MID1: variants seen among roughly 807,000 people sequenced by gnomAD.
The protein encoded by MID1 is E3 ubiquitin-protein ligase Midline-1.
MID1 carries 7 observed loss-of-function variants against 40.4 expected under a neutral mutation model. The ratio of observed to expected loss-of-function variants is 0.17; its 90% CI spans 0.10 to 0.33. The LOEUF (loss-of-function observed/expected upper bound fraction) is 0.33, where lower values mean the gene tolerates loss of function less well. Among genes scored for constraint, MID1 ranks in the 10% least tolerant of loss-of-function variants. MID1 has a pLI of 1.00. For missense variants in MID1, 367 were observed against 558.5 expected, an observed-to-expected ratio of 0.66 and a Z score of 3.46; for synonymous variants, 229 against 221.2, an observed-to-expected ratio of 1.04 and a Z score of -0.31.
rs1385862213 is a variant in MID1, at chrX:10,781,712, A to G, written c.-187+51842T>C. On this transcript the variant is annotated intron_variant, in intron 1 of 10. Coordinates refer to the MID1 transcript ENST00000380785. ...GATGATCTTTTGGATCACTGGTAATACATTCCAATATGTTTGATTAGTGTT... is the reference window on the plus strand; with the variant it reads ...GATGATCTTTTGGATCACTGGTAATGCATTCCAATATGTTTGATTAGTGTT... Among the ~76,000 whole-genome samples the G allele has an allele frequency of 3.6e-5, 4 of 112,156 alleles. No homozygotes were observed. In the East Asian group the frequency reaches 1.1e-3, roughly 31 times the overall value.
At chrX:10,637,002 A>T (rs1936126111) in intron 1 of MID1, among the ~76,000 whole-genome samples, 1 of 106,121 alleles carries the variant, frequency 9.4e-6, no homozygotes, top group Non-Finnish European at 1.9e-5. Context: ...TGTTTAGGAC[A>T]GAGGCCTATA....
chrX:10,584,590 T>C (rs1935095046), intron 1 of MID1, among the ~76,000 whole-genome samples: 1 of 112,128 alleles, frequency 8.9e-6, no homozygotes. Flanking sequence ...CAAAGATGAG[T>C]TAAGACTAGA....
intron 9 of MID1, among the ~76,000 whole-genome samples, chrX:10,453,807 G>GACTT (rs765941421): frequency 8.9e-6 from 1 of 111,975 alleles, no homozygotes; most frequent in South Asian, 3.8e-4. Context: ...CTTGACTGCA[G>GACTT]ACTTACTGAC....
intron 5 of MID1, among the ~76,000 whole-genome samples, chrX:10,476,228 G>A (rs1930003431): frequency 1.8e-5 from 2 of 111,475 alleles, no homozygotes; most frequent in South Asian, 3.8e-4. Context: ...AGGGGAGATG[G>A]GGAGTAACTG....
intron 1 of MID1, among the ~76,000 whole-genome samples, chrX:10,828,544 G>A (rs1267362471): frequency 2.7e-5 from 3 of 111,818 alleles, no homozygotes; most frequent in African/African-American, 9.8e-5. Flanking sequence ...CACCTTAAAA[G>A]GGGGAAATCT....
At chrX:10,546,265 C>A (rs756378363) in intron 2 of MID1, among the ~76,000 whole-genome samples, 1 of 112,178 alleles carries the variant, frequency 8.9e-6, no homozygotes, top group Non-Finnish European at 1.9e-5. Flanking sequence ...ACAGCAAAAA[C>A]ACACACAAAC....
chrX:10,761,203 A>G (rs983163666), intron 1 of MID1, among the ~76,000 whole-genome samples: 15 of 111,149 alleles, frequency 1.3e-4, no homozygotes, highest in Non-Finnish European at 2.8e-4. Context: ...TTGTTAAGAG[A>G]GTCTAACTAT....
At chrX:10,786,650 A>C (rs1224313098) in intron 1 of MID1, among the ~76,000 whole-genome samples, 7 of 110,760 alleles carry the variant, frequency 6.3e-5, no homozygotes, top group Non-Finnish European at 1.3e-4. Flanking sequence ...AAAAAGGATG[A>C]GTTCATGTCA....
intron 1 of MID1, among the ~76,000 whole-genome samples, chrX:10,637,317 T>A (rs1440169863): frequency 1.0e-5 from 1 of 97,067 alleles, no homozygotes; most frequent in Non-Finnish European, 2.0e-5. Context: ...GCTTTATGTA[T>A]TTTTTTTTTT....
intron 7 of MID1, 148 bp from the exon 8 acceptor site, chrX:10,459,955 A>T: frequency 1.6e-6 from 1 of 607,199 alleles, no homozygotes; most frequent in Non-Finnish European, 2.7e-6. Flanking sequence ...AACTGACTTC[A>T]CTAACGTAGA....
At chrX:10,583,736 A>G (rs1018630885) in intron 1 of MID1, among the ~76,000 whole-genome samples, 2 of 112,009 alleles carry the variant, frequency 1.8e-5, no homozygotes, top group Non-Finnish European at 3.8e-5. Context: ...GTAATTTATA[A>G]AGAACAGCGA....
intron 1 of MID1, among the ~76,000 whole-genome samples, chrX:10,760,058 G>A (rs898794398): frequency 3.6e-5 from 4 of 111,594 alleles, no homozygotes; most frequent in African/African-American, 6.5e-5. Context: ...GTTCTGAGAA[G>A]CATTTTTTCC....
chrX:10,731,761 C>A (rs920641197), intron 1 of MID1, among the ~76,000 whole-genome samples: 24 of 109,760 alleles, frequency 2.2e-4, no homozygotes, highest in Non-Finnish European at 3.8e-4. Context: ...GAGTTCACAA[C>A]CAGCCTGGCC....
At chrX:10,488,971 C>CTA (rs1265911611) in intron 4 of MID1, among the ~76,000 whole-genome samples, 4 of 110,683 alleles carry the variant, frequency 3.6e-5, no homozygotes, top group South Asian at 3.8e-4. Context: ...ACTCCTCTCT[C>CTA]TCTATATATA....
At chrX:10,802,304 G>A (rs1474018569) in intron 1 of MID1, among the ~76,000 whole-genome samples, 1 of 111,820 alleles carries the variant, frequency 8.9e-6, no homozygotes, top group Non-Finnish European at 1.9e-5. Flanking sequence ...CTAATATCCA[G>A]AATCCATAAG....
intron 1 of MID1, among the ~76,000 whole-genome samples, chrX:10,669,931 A>G (rs2042977696): frequency 8.9e-6 from 1 of 111,899 alleles, no homozygotes; most frequent in Admixed American, 9.5e-5. Flanking sequence ...TTCCAAATGA[A>G]GAAATATGGA....
chrX:10,687,785 C>T (rs1198580806), intron 1 of MID1, among the ~76,000 whole-genome samples: 1 of 111,914 alleles, frequency 8.9e-6, no homozygotes, highest in African/African-American at 3.2e-5. Context: ...GTGATCATGG[C>T]TTGCTGCAGC....
chrX:10,665,759 C>T (rs1305669370), intron 1 of MID1, among the ~76,000 whole-genome samples: 4 of 109,929 alleles, frequency 3.6e-5, no homozygotes, highest in Non-Finnish European at 7.6e-5. Context: ...AACTCCTGGG[C>T]TCAAGTGATC....
At chrX:10,563,779 G>A (rs148641954) in intron 2 of MID1, among the ~76,000 whole-genome samples, 6 of 111,630 alleles carry the variant, frequency 5.4e-5, no homozygotes, top group Non-Finnish European at 1.1e-4. Flanking sequence ...TACATGATGT[G>A]GATGATTTTA....
Sources: gnomAD v4.1 joint callset for allele counts (sites outside exome capture counted in the v4.1 genomes callset) on GRCh38, gnomAD v4.1.1 for gene constraint, MANE v1.5 for transcripts, NCBI Gene and HGNC (gene_info 2026-07-23, HGNC 2026-07-21) for gene names.